The following SCAMP2 variants were observed in gnomAD, a reference collection of about 807,000 sequenced individuals.
SCAMP2 encodes the protein secretory carrier-associated membrane protein 2.
SCAMP2 carries 25 observed loss-of-function variants against 44.1 expected under a neutral mutation model. That is an observed-to-expected ratio of 0.57 (90% CI 0.41 to 0.79). The LOEUF (loss-of-function observed/expected upper bound fraction) is 0.79. SCAMP2 is among the 30% of genes least tolerant of loss of function. SCAMP2 has a pLI of 0.00. For missense variants in SCAMP2, 355 were observed against 411.0 expected (o/e 0.86, Z 1.18); for synonymous variants, 156 against 166.0 (o/e 0.94, Z 0.46).
At chr15:74,869,832 C>T (rs560425493) in intron 1 of SCAMP2, among the ~76,000 whole-genome samples, 1 of 152,144 alleles carries the variant, frequency 6.6e-6, no homozygotes, top group Non-Finnish European at 1.5e-5. Flanking sequence ...CTGAGTCTAT[C>T]GCCTCTCCAC....
intron 1 of SCAMP2, among the ~76,000 whole-genome samples, chr15:74,872,634 C>T (rs2141184979): frequency 6.6e-6 from 1 of 152,286 alleles, no homozygotes; most frequent in East Asian, 1.9e-4. Context: ...GGCCATTTTT[C>T]AACTTGGGCT....
At chr15:74,855,301 A>G (rs969910215) in intron 1 of SCAMP2, among the ~76,000 whole-genome samples, 9 of 151,794 alleles carry the variant, frequency 5.9e-5, no homozygotes, top group Non-Finnish European at 1.0e-4. Context: ...ACAGGGTTTC[A>G]CCATGTTGGC....
intron 4 of SCAMP2, 118 bp from the exon 5 acceptor site, chr15:74,851,599 G>T: frequency 7.6e-7 from 1 of 1,315,702 alleles, no homozygotes; most frequent in Non-Finnish European, 1.1e-6. Context: ...GCTCCAGCAA[G>T]CGGGGCTTGG....
rs573404996 is a variant in SCAMP2, at chr15:74,848,370, TAGTG to T, written c.734+226_734+229del. ...GGCATGAGCCACTGCACCTGACCAA[TAGTG>T]AGTGTCTTTTGATGCCTTTAGTATC... On this transcript the variant is annotated intron_variant, in intron 7 of 8. Transcript: ENST00000268099. 1.4e-3 allele frequency: 571 copies of T among 403,054 alleles called. 2 individuals carry two copies. Among genetic ancestry groups the T allele is most frequent in the Non-Finnish European group, 2.2e-3 (495 of 225,800 alleles). 25.0% of individuals were successfully genotyped at this position (403,054 alleles called of 1,614,324 possible).
chr15:74,868,314 G>A (rs1237400618), intron 1 of SCAMP2, among the ~76,000 whole-genome samples: 1 of 152,218 alleles, frequency 6.6e-6, no homozygotes, highest in Non-Finnish European at 1.5e-5. Context: ...GGTCATAAAA[G>A]CACATGCCCA....
chr15:74,849,784 G>C (rs1353072341), intron 6 of SCAMP2, among the ~76,000 whole-genome samples: 1 of 152,062 alleles, frequency 6.6e-6, no homozygotes, highest in Non-Finnish European at 1.5e-5. Context: ...TGGTAACAAA[G>C]AACAATGAGA....
At chr15:74,855,167 A>T (rs1454376221) in intron 1 of SCAMP2, among the ~76,000 whole-genome samples, 1 of 151,684 alleles carries the variant, frequency 6.6e-6, no homozygotes, top group Non-Finnish European at 1.5e-5. Context: ...GCAGTGGCGC[A>T]ATCTTGGCTC....
Position 74,854,052 on chromosome 15 carries a change from G to T in SCAMP2, c.194C>A (p.Pro65Gln). ...GGTCGGCTGGGTTGGTTCCACTGAT[G>T]GCTGGAGAACCGCTGGCTGTGAGGA... ...PGSSQPAVLQ[P>Q]SVEPTQPTPQ... Residue 65 changes from proline to glutamine, a missense_variant, in exon 3 of 9, where the codon CCA becomes CAA. Coordinates refer to ENST00000268099, the MANE Select transcript of SCAMP2 (RefSeq NM_005697.5). The T allele has an allele frequency of 6.2e-7, 1 of 1,614,160 alleles. No individual in the cohort carries two copies. The highest frequency in any genetic ancestry group is 8.5e-7 in the Non-Finnish European group (1 of 1,180,008).
chr15:74,849,605 G>A (rs1187626654), intron 6 of SCAMP2, among the ~76,000 whole-genome samples: 1 of 152,056 alleles, frequency 6.6e-6, no homozygotes, highest in Non-Finnish European at 1.5e-5. Flanking sequence ...TTAGCCAGGT[G>A]TGATTGTGTG....
chr15:74,872,245 T>C (rs370420098), intron 1 of SCAMP2, among the ~76,000 whole-genome samples: 9 of 152,160 alleles, frequency 5.9e-5, no homozygotes, highest in African/African-American at 2.2e-4. Flanking sequence ...AAACCCCGTC[T>C]CTACTAAAAG....
intron 5 of SCAMP2, 112 bp downstream of exon 5, chr15:74,851,241 G>T: frequency 7.9e-7 from 1 of 1,261,236 alleles, no homozygotes; most frequent in Non-Finnish European, 1.1e-6. Flanking sequence ...ACTGAGGAAG[G>T]CTGGAGTCTG....
intron 1 of SCAMP2, among the ~76,000 whole-genome samples, chr15:74,865,000 T>G (rs1229704340): frequency 6.9e-6 from 1 of 145,710 alleles, no homozygotes; most frequent in African/African-American, 2.6e-5. Context: ...GGCAGAAGAA[T>G]TGCTTGAACC....
rs541411828 is a variant in SCAMP2 at position 74,849,981 on chromosome 15, G to A, written c.632+533C>T. 5.3e-5 allele frequency among the ~76,000 whole-genome samples: 8 copies of A among 152,178 alleles called. No homozygotes were observed. In the South Asian group the frequency reaches 1.2e-3, roughly 24 times the overall value. On this transcript the variant is annotated intron_variant, in intron 6 of 8. Transcript: ENST00000268099. ...CCACTACCCTAATCCCTCTTCCCAG[G>A]GCCTGCTGGGCTCCCAGCCCTGAAA...
chr15:74,853,391 T>A (rs748020914), intron 3 of SCAMP2: 1 of 456,398 alleles, frequency 2.2e-6, no homozygotes. Context: ...CGCATGTAGC[T>A]GTCTCTGAGA....
At position 74,859,759 on chromosome 15, in the gene SCAMP2, G is replaced by A. The variant is rs190147920; in HGVS notation, c.58-5110C>T. Among the ~76,000 whole-genome samples, 240 of 151,922 alleles carry A rather than the reference G, an allele frequency of 1.6e-3. 3 individuals carry two copies. The highest frequency in any genetic ancestry group is 0.014 in the East Asian group (70 of 5,160). ...AGCCTCCTGAGTAGCTAGGATTACA[G>A]GCACATACCACCACGCCCGGCTAAT... On this transcript the variant is annotated intron_variant, in intron 1 of 8. Coordinates refer to ENST00000268099, the MANE Select transcript of SCAMP2 (RefSeq NM_005697.5).
At chr15:74,863,339 T>G (rs1460346421) in intron 1 of SCAMP2, among the ~76,000 whole-genome samples, 1 of 139,282 alleles carries the variant, frequency 7.2e-6, no homozygotes, top group African/African-American at 2.7e-5. Flanking sequence ...AGAGTGAGAC[T>G]CCGTCTCAAA....
chr15:74,849,748 C>T (rs2064422938), intron 6 of SCAMP2, among the ~76,000 whole-genome samples: 1 of 151,972 alleles, frequency 6.6e-6, no homozygotes. Flanking sequence ...CCTCTCAAAA[C>T]AAAAACAATA....
At chr15:74,851,275 G>A in intron 5 of SCAMP2, 78 bp downstream of exon 5, 3 of 1,519,576 alleles carry the variant, frequency 2.0e-6, no homozygotes, top group African/African-American at 1.4e-5. Flanking sequence ...TACCAGGGAG[G>A]AGCAGCCAGG....
rs941029515 is a variant in SCAMP2, at chr15:74,862,197, A to AGGTTGC, written c.58-7554_58-7549dup. ...AGAATCGCTTGAACCTGGGAGGTAGAGGTTGCAGTGAGTCGAGATCACATC... is the reference window on the plus strand; with the variant it reads ...AGAATCGCTTGAACCTGGGAGGTAGAGGTTGCGGTTGCAGTGAGTCGAGATCACATC... On this transcript the variant is annotated intron_variant, in intron 1 of 8. Transcript: ENST00000268099. Among the ~76,000 whole-genome samples, 3 of 137,132 alleles carry AGGTTGC rather than the reference A, an allele frequency of 2.2e-5. No individual in the cohort carries two copies. The Admixed American group carries it at 2.5e-4, about 11-fold the overall frequency. The allele number at this position is 137,132 out of a possible 152,430, so 90.0% of individuals were successfully genotyped here. A position where few individuals can be genotyped will look rare whatever the true frequency, so the allele number is the denominator to read the frequency against.
Sources: allele counts gnomAD v4.1 joint callset (sites outside exome capture counted in the v4.1 genomes callset), GRCh38; gene constraint gnomAD v4.1.1; transcripts MANE v1.5; gene names NCBI Gene and HGNC (gene_info 2026-07-23, HGNC 2026-07-21).